The following KCNG2 variants were observed in gnomAD, a reference collection of about 807,000 sequenced individuals.
KCNG2 encodes voltage-gated potassium channel regulatory subunit KCNG2.
KCNG2 carries 7 observed loss-of-function variants against 12.3 expected under a neutral mutation model. The observed-to-expected ratio is 0.57, with a 90% CI of 0.32 to 1.07. The LOEUF (loss-of-function observed/expected upper bound fraction) is 1.07, where lower values mean the gene tolerates loss of function less well. KCNG2 is among the 50% of genes least tolerant of loss of function. The pLI is 0.04. For missense variants in KCNG2, 703 were observed against 726.0 expected (o/e 0.97, Z 0.36); for synonymous variants, 414 against 351.4 (o/e 1.18, Z -1.99).
In KCNG2 at chr18:79,800,251, A is replaced by G. The variant is rs547364785; in HGVS notation, c.-115+2237A>G. The stretch of plus-strand genomic sequence containing the variant: ...CAGGACGAGGACACGCAGGGCATCC[A>G]GGGACGGCCACCTGTGTCTGAGTAC... On this transcript the variant is annotated intron_variant, in intron 1 of 3. Coordinates refer to ENST00000316249, the MANE Select transcript of KCNG2 (RefSeq NM_012283.2). The surrounding 1 kb of genome is among the most constrained non-coding windows in gnomAD (Gnocchi z 4.0). Among the ~76,000 whole-genome samples, 1 of 152,232 alleles carries G rather than the reference A, an allele frequency of 6.6e-6. No individual in the cohort carries two copies. Among genetic ancestry groups the G allele is most frequent in the Admixed American group, 6.5e-5 (1 of 15,304 alleles).
At chr18:79,889,809 C>T (rs949615229) in intron 3 of KCNG2, among the ~76,000 whole-genome samples, 1 of 152,224 alleles carries the variant, frequency 6.6e-6, no homozygotes, top group African/African-American at 2.4e-5. Context: ...GTTAGCGTCT[C>T]GTTCCTGAAC....
chr18:79,824,145 C>T (rs1349338757), intron 1 of KCNG2, among the ~76,000 whole-genome samples: 1 of 152,224 alleles, frequency 6.6e-6, no homozygotes, highest in Non-Finnish European at 1.5e-5. Flanking sequence ...GCTGGGACTA[C>T]AGGCATCACC....
chr18:79,842,258 G>A (rs1441062956), intron 1 of KCNG2, among the ~76,000 whole-genome samples: 1 of 152,172 alleles, frequency 6.6e-6, no homozygotes, highest in Non-Finnish European at 1.5e-5. Flanking sequence ...GCTGGCCCTT[G>A]TAAACCCAGG....
chr18:79,820,845 C>T lies in KCNG2; in HGVS notation c.-115+22831C>T, dbSNP rs1356340598. ...TGTATTTTTTGTAGAGAGAGGGTCT[C>T]GCTATGTTGCCAGGCTGATCTCAAA... On this transcript the variant is annotated intron_variant, in intron 1 of 3. Transcript: ENST00000316249. 3.9e-5 allele frequency among the ~76,000 whole-genome samples: 6 copies of T among 152,000 alleles called. No homozygotes were observed. The East Asian group carries it at 5.8e-4, about 15-fold the overall frequency.
At chr18:79,830,366 G>A (rs1245570957) in intron 1 of KCNG2, among the ~76,000 whole-genome samples, 1 of 152,248 alleles carries the variant, frequency 6.6e-6, no homozygotes, top group African/African-American at 2.4e-5. Flanking sequence ...CCCGGTGGCA[G>A]GAAACATGTC....
At chr18:79,873,645 G>C (rs530125885) in intron 3 of KCNG2, among the ~76,000 whole-genome samples, 1 of 152,286 alleles carries the variant, frequency 6.6e-6, no homozygotes, top group South Asian at 2.1e-4. Context: ...GTTTTCCTGG[G>C]AGCCGGCACA....
intron 1 of KCNG2, among the ~76,000 whole-genome samples, chr18:79,832,545 C>A (rs1978302216): frequency 6.6e-6 from 1 of 152,220 alleles, no homozygotes. Flanking sequence ...CTTCCCTCCT[C>A]TATCTTCTCC....
chr18:79,864,034 C>T lies in KCNG2; in HGVS notation c.367C>T (p.Leu123=). 8.7e-7 allele frequency: 1 copy of T among 1,143,938 alleles called. No homozygotes were observed. The highest frequency in any genetic ancestry group is 1.1e-6 in the Non-Finnish European group (1 of 931,896). The allele number at this position is 1,143,938 out of a possible 1,614,324, so 70.9% of individuals were successfully genotyped here. The change falls in exon 3 of 4, where the codon CTG becomes TTG. Residue 123 remains leucine, a synonymous_variant. Transcript: ENST00000316249. ...CCTGGAGCGCTGCTGCCTGCGCCGC[C>T]TGCGCCGCCGCGAGGAGGAGGCGGC... ...ARLERCCLRR[L]RRREEEAAEA...
intron 2 of KCNG2, among the ~76,000 whole-genome samples, chr18:79,857,556 C>T (rs554319617): frequency 2.4e-4 from 37 of 152,074 alleles, no homozygotes; most frequent in African/African-American, 8.4e-4. Flanking sequence ...TGAGCAAACC[C>T]ACCACGCCCC....
intron 3 of KCNG2, among the ~76,000 whole-genome samples, chr18:79,875,230 C>G (rs1980019818): frequency 6.6e-6 from 1 of 152,146 alleles, no homozygotes; most frequent in African/African-American, 2.4e-5. Flanking sequence ...TCCTAAGACC[C>G]CCATTCCAGA....
At chr18:79,823,690 T>C (rs906151861) in intron 1 of KCNG2, among the ~76,000 whole-genome samples, 1 of 152,136 alleles carries the variant, frequency 6.6e-6, no homozygotes, top group African/African-American at 2.4e-5. Flanking sequence ...GCTATATGAG[T>C]TTTTCCCCTT....
intron 3 of KCNG2, among the ~76,000 whole-genome samples, chr18:79,878,212 A>G (rs556628328): frequency 7.9e-5 from 12 of 152,360 alleles, no homozygotes; most frequent in Non-Finnish European, 1.8e-4. Flanking sequence ...TTGAGACTTC[A>G]GTGTAGATCC....
At chr18:79,811,647 G>A (rs546165213) in intron 1 of KCNG2, among the ~76,000 whole-genome samples, 3 of 152,298 alleles carry the variant, frequency 2.0e-5, no homozygotes, top group South Asian at 4.1e-4. Context: ...TGAATCAGAT[G>A]TTGGTTTATA....
intron 1 of KCNG2, among the ~76,000 whole-genome samples, chr18:79,850,113 G>A (rs1019007206): frequency 1.3e-5 from 2 of 152,374 alleles, no homozygotes; most frequent in East Asian, 3.9e-4. Context: ...GCACACATAC[G>A]TGGATAAATG....
chr18:79,818,267 G>C (rs1229271327), intron 1 of KCNG2, among the ~76,000 whole-genome samples: 2 of 152,226 alleles, frequency 1.3e-5, no homozygotes. Flanking sequence ...GGCACAGATG[G>C]AAACAGCTGA....
chr18:79,829,028 T>G (rs1599376571), intron 1 of KCNG2, among the ~76,000 whole-genome samples: 5 of 90,448 alleles, frequency 5.5e-5, no homozygotes, highest in African/African-American at 6.9e-5. Flanking sequence ...TGTCTGTGTG[T>G]GGGTGTCTAT....
In KCNG2 at chr18:79,820,283, T is replaced by A. The variant is rs72980019; in HGVS notation, c.-115+22269T>A. Among the ~76,000 whole-genome samples the A allele has an allele frequency of 4.5e-3, 684 of 152,360 alleles. 4 individuals carry two copies. Among genetic ancestry groups the A allele is most frequent in the Non-Finnish European group, 4.9e-3 (336 of 68,024 alleles). The stretch of plus-strand genomic sequence containing the variant: ...GCTCTGAATGTCAGCACATGTATCC[T>A]GTTTGAGTTCCTGTTTTCACTTCCT... On this transcript the variant is annotated intron_variant, in intron 1 of 3. Transcript: ENST00000316249.
chr18:79,857,389 A>G (rs1368548406), intron 2 of KCNG2, among the ~76,000 whole-genome samples: 2 of 151,758 alleles, frequency 1.3e-5, no homozygotes, highest in Non-Finnish European at 2.9e-5. Context: ...GACTTATGCA[A>G]TTCTTCACTG....
chr18:79,823,099 CCT>C (rs571748535), intron 1 of KCNG2, among the ~76,000 whole-genome samples: 16 of 152,288 alleles, frequency 1.1e-4, no homozygotes, highest in African/African-American at 2.2e-4. Context: ...TCAGCTGGCC[CCT>C]GTCTTACACC....
Sources: allele counts gnomAD v4.1 joint callset (sites outside exome capture counted in the v4.1 genomes callset), GRCh38; gene constraint gnomAD v4.1.1; non-coding constraint Gnocchi (gnomAD v3.1); transcripts MANE v1.5; gene names NCBI Gene and HGNC (gene_info 2026-07-23, HGNC 2026-07-21).